Variants in DGKI observed in about 807,000 individuals in gnomAD.
DGKI encodes diacylglycerol kinase iota.
Under a neutral mutation model 147.5 loss-of-function variants are expected in DGKI, and 55 were observed. The observed-to-expected ratio is 0.37, with a 90% CI of 0.30 to 0.47. The LOEUF (loss-of-function observed/expected upper bound fraction) is 0.47, where lower values mean the gene tolerates loss of function less well. DGKI is among the 20% of genes least tolerant of loss of function. DGKI has a pLI of 1.00. For missense variants in DGKI, 1,007 were observed against 1,323.8 expected (o/e 0.76, Z 3.71); for synonymous variants, 469 against 477.1 (o/e 0.98, Z 0.22).
rs1811305929 is a variant in DGKI, at chr7:137,390,119, T to TC, written c.*1100dup. The TC allele has an allele frequency of 1.3e-5, 2 of 152,082 alleles. No individual in the cohort carries two copies. The highest frequency in any genetic ancestry group is 2.9e-5 in the Non-Finnish European group (2 of 68,002). 9.4% of individuals were successfully genotyped at this position (152,082 alleles called of 1,614,324 possible). The stretch of plus-strand genomic sequence containing the variant: ...ATAGTTATTAGCCTCTGTGCAACAT[T>TC]CCAATGACTGTTTCCTATTTCAGTG... On this transcript the variant is annotated 3_prime_UTR_variant, in exon 33 of 33. Transcript: ENST00000614521.
intron 1 of DGKI, among the ~76,000 whole-genome samples, chr7:137,796,858 A>G (rs1797050927): frequency 6.6e-6 from 1 of 152,204 alleles, no homozygotes; most frequent in Non-Finnish European, 1.5e-5. Context: ...GGAGAGTTCC[A>G]GAAGGAGAGA....
chr7:137,574,324 AACTT>A lies in DGKI; in HGVS notation c.1762-1490_1762-1487del, dbSNP rs150649748. Among the ~76,000 whole-genome samples, 645 of 152,332 alleles carry A rather than the reference AACTT, an allele frequency of 4.2e-3. 3 individuals are homozygous for A. The highest frequency in any genetic ancestry group is 0.015 in the African/African-American group (612 of 41,578). On this transcript the variant is annotated intron_variant, in intron 17 of 32. Transcript: ENST00000614521. Reference sequence around the variant, plus strand: ...CTCAACTACTAAGCAAACATCTTCCAACTTACTTAAGAACTTGAAATGAGTTATA... The same window carrying A: ...CTCAACTACTAAGCAAACATCTTCCAACTTAAGAACTTGAAATGAGTTATA...
At chr7:137,422,589 T>A (rs1812614911) in intron 28 of DGKI, among the ~76,000 whole-genome samples, 1 of 137,032 alleles carries the variant, frequency 7.3e-6, no homozygotes, top group Non-Finnish European at 1.5e-5. Context: ...ATTTTCTTTT[T>A]CTTTTCTTTT....
At chr7:137,396,689 C>T (rs1303646477) in intron 31 of DGKI, among the ~76,000 whole-genome samples, 8 of 152,180 alleles carry the variant, frequency 5.3e-5, no homozygotes, top group Admixed American at 4.6e-4. Context: ...CACCTCATTC[C>T]TCTCCACACC....
chr7:137,661,754 T>G (rs926521502), intron 3 of DGKI, among the ~76,000 whole-genome samples: 6 of 152,152 alleles, frequency 3.9e-5, no homozygotes, highest in Non-Finnish European at 7.3e-5. Context: ...CAGCAGCATC[T>G]TGGAGATGGG....
chr7:137,525,377 CT>C, intron 20 of DGKI, among the ~76,000 whole-genome samples: 1 of 152,246 alleles, frequency 6.6e-6, no homozygotes, highest in African/African-American at 2.4e-5. Flanking sequence ...TTTTAAACTC[CT>C]ATCAAAAGAT....
At chr7:137,591,440 G>A (rs1819612561) in intron 12 of DGKI, among the ~76,000 whole-genome samples, 1 of 152,058 alleles carries the variant, frequency 6.6e-6, no homozygotes, top group Non-Finnish European at 1.5e-5. Context: ...TAGTTCTCTG[G>A]CTGAGGTGGG....
chr7:137,766,374 T>C lies in DGKI; in HGVS notation c.402-76372A>G, dbSNP rs185889819. Among the ~76,000 whole-genome samples the C allele has an allele frequency of 2.2e-3, 339 of 152,350 alleles. 1 individual carries two copies. Among genetic ancestry groups the C allele is most frequent in the African/African-American group, 7.5e-3 (312 of 41,586 alleles). On this transcript the variant is annotated intron_variant, in intron 1 of 32. Transcript: ENST00000614521. Reference sequence around the variant, plus strand: ...TCCAACATAATGAAAGTAATTAAGTTTTTTTAAAAAGTAAAGTTCCACAAG... The same window carrying C: ...TCCAACATAATGAAAGTAATTAAGTCTTTTTAAAAAGTAAAGTTCCACAAG...
chr7:137,427,117 A>T (rs928865918), intron 28 of DGKI, among the ~76,000 whole-genome samples: 7 of 152,018 alleles, frequency 4.6e-5, no homozygotes, highest in African/African-American at 7.3e-5. Flanking sequence ...GCACCACCCC[A>T]CACCTATTCC....
intron 1 of DGKI, among the ~76,000 whole-genome samples, chr7:137,717,595 T>C (rs1794418425): frequency 6.6e-6 from 1 of 152,212 alleles, no homozygotes. Flanking sequence ...TATGTGTGTG[T>C]GTACATACTC....
intron 1 of DGKI, among the ~76,000 whole-genome samples, chr7:137,822,926 T>C (rs970878378): frequency 2.7e-5 from 4 of 149,814 alleles, no homozygotes; most frequent in Non-Finnish European, 5.9e-5. Flanking sequence ...GAAAGAAGAA[T>C]AAAAGGTAAA....
chr7:137,747,960 TTACGACAA>T (rs1795389784), intron 1 of DGKI, among the ~76,000 whole-genome samples: 1 of 152,208 alleles, frequency 6.6e-6, no homozygotes. Flanking sequence ...CAAACACATT[TTACGACAA>T]GGAAATAAGA....
At chr7:137,486,998 A>G (rs1222218238) in intron 22 of DGKI, among the ~76,000 whole-genome samples, 2 of 152,140 alleles carry the variant, frequency 1.3e-5, no homozygotes, top group African/African-American at 4.8e-5. Flanking sequence ...AATTTTTGCA[A>G]AAACAACCAA....
At chr7:137,824,711 G>A (rs1165971950) in intron 1 of DGKI, among the ~76,000 whole-genome samples, 8 of 151,908 alleles carry the variant, frequency 5.3e-5, no homozygotes, top group East Asian at 1.9e-4. Flanking sequence ...CCTCCTCCCC[G>A]CCTCCACCCT....
At chr7:137,461,212 C>T (rs1814430404) in intron 27 of DGKI, among the ~76,000 whole-genome samples, 1 of 152,210 alleles carries the variant, frequency 6.6e-6, no homozygotes, top group Non-Finnish European at 1.5e-5. Flanking sequence ...AGCATGGAGT[C>T]AGAAGCCAAA....
chr7:137,745,215 G>A (rs770282392), intron 1 of DGKI, among the ~76,000 whole-genome samples: 37 of 152,246 alleles, frequency 2.4e-4, no homozygotes, highest in Non-Finnish European at 4.1e-4. Context: ...CAAACTAGCC[G>A]GTGTTATGGA....
At chr7:137,659,548 A>G (rs961367173) in intron 3 of DGKI, among the ~76,000 whole-genome samples, 1 of 152,254 alleles carries the variant, frequency 6.6e-6, no homozygotes, top group African/African-American at 2.4e-5. Flanking sequence ...TAAATACTAC[A>G]AATATTCACT....
At chr7:137,640,493 A>C (rs1821585800) in intron 6 of DGKI, among the ~76,000 whole-genome samples, 1 of 152,088 alleles carries the variant, frequency 6.6e-6, no homozygotes, top group Admixed American at 6.6e-5. Context: ...CTATAGCTGC[A>C]CAAACACACA....
At chr7:137,602,941 T>G (rs187046408) in intron 10 of DGKI, among the ~76,000 whole-genome samples, 232 of 151,330 alleles carry the variant, frequency 1.5e-3, no homozygotes, top group African/African-American at 3.6e-3. Context: ...TGCATGCTAC[T>G]GTAGATATAC....
Sources: allele counts gnomAD v4.1 joint callset (sites outside exome capture counted in the v4.1 genomes callset), GRCh38; gene constraint gnomAD v4.1.1; transcripts MANE v1.5; gene names NCBI Gene and HGNC (gene_info 2026-07-23, HGNC 2026-07-21).